The following CSRNP3 variants were observed in gnomAD, a reference collection of about 807,000 sequenced individuals.
CSRNP3 encodes the protein cysteine/serine-rich nuclear protein 3.
A neutral mutation model predicts 48.0 loss-of-function variants in CSRNP3; 12 were observed. That is an observed-to-expected ratio of 0.25 (90% confidence interval 0.16 to 0.41). CSRNP3 has a LOEUF of 0.41. Ranked by LOEUF, CSRNP3 falls within the 10% of genes least tolerant of loss-of-function variation. The pLI, the probability that CSRNP3 is intolerant of heterozygous loss-of-function variation, is 1.00. For missense variants in CSRNP3, 580 were observed against 724.4 expected, an observed-to-expected ratio of 0.80 and a Z score of 2.29; for synonymous variants, 263 against 269.7, an observed-to-expected ratio of 0.98 and a Z score of 0.24.
chr2:165,683,350 C>T lies in CSRNP3; in HGVS notation c.*3597C>T, dbSNP rs770787282. 1.2e-4 allele frequency: 18 copies of T among 151,904 alleles called. No individual in the cohort carries two copies. The highest frequency in any genetic ancestry group is 2.2e-4 in the Non-Finnish European group (15 of 67,954). The allele number at this position is 151,904 out of a possible 1,614,324, so 9.4% of individuals were successfully genotyped here. A position where few individuals can be genotyped will look rare whatever the true frequency, so the allele number is the denominator to read the frequency against. ...CAATCATATATGGCCCTGCAATACT[C>T]CCTGAATTCCTTCCCTCCAAAAAAA... On this transcript the variant is annotated 3_prime_UTR_variant, in exon 7 of 7. Coordinates refer to ENST00000651982, the MANE Select transcript of CSRNP3 (RefSeq NM_001172173.2).
intron 1 of CSRNP3, among the ~76,000 whole-genome samples, chr2:165,481,402 T>C (rs188511801): frequency 1.4e-4 from 19 of 134,454 alleles, no homozygotes; most frequent in Non-Finnish European, 2.5e-4. Flanking sequence ...CCAGCCTCTT[T>C]CCTGGAGTGT....
At chr2:165,477,712 C>T (rs932825211) in intron 1 of CSRNP3, among the ~76,000 whole-genome samples, 2 of 149,726 alleles carry the variant, frequency 1.3e-5, no homozygotes, top group Non-Finnish European at 3.0e-5. Flanking sequence ...CATGGTGGCT[C>T]ACACCTGTAA....
At position 165,636,387 on chromosome 2, in the gene CSRNP3, T is replaced by C. The variant is rs1208506287; in HGVS notation, c.149-21374T>C. Among the ~76,000 whole-genome samples the C allele has an allele frequency of 5.3e-5, 8 of 152,322 alleles. No individual in the cohort carries two copies. In the East Asian group the frequency reaches 1.4e-3, roughly 26 times the overall value. ...TCTTTGAGTGAATAACATAGGAAGA[T>C]GATCTGTATGTTTTCAGAGGCCTGT... On this transcript the variant is annotated intron_variant, in intron 4 of 6. Coordinates refer to ENST00000651982, the MANE Select transcript of CSRNP3 (RefSeq NM_001172173.2).
intron 1 of CSRNP3, among the ~76,000 whole-genome samples, chr2:165,474,607 TG>T (rs1339385790): frequency 3.9e-5 from 6 of 152,206 alleles, no homozygotes; most frequent in African/African-American, 1.2e-4. Flanking sequence ...GAGAGGACAA[TG>T]ATCATATTTA....
intron 3 of CSRNP3, among the ~76,000 whole-genome samples, chr2:165,568,566 G>T (rs1685327433): frequency 6.6e-6 from 1 of 152,048 alleles, no homozygotes; most frequent in African/African-American, 2.4e-5. Context: ...CTCTTACATG[G>T]CAGCTCAGAG....
At chr2:165,476,739 T>C (rs1182238538) in intron 1 of CSRNP3, among the ~76,000 whole-genome samples, 2 of 152,354 alleles carry the variant, frequency 1.3e-5, no homozygotes, top group Admixed American at 6.5e-5. Context: ...ACCAGTTACT[T>C]AAACTATCTG....
chr2:165,471,974 A>T (rs1683900653), intron 1 of CSRNP3, among the ~76,000 whole-genome samples: 1 of 150,984 alleles, frequency 6.6e-6, no homozygotes. Context: ...AGGCATCACC[A>T]TTTTTTTTTC....
intron 4 of CSRNP3, among the ~76,000 whole-genome samples, chr2:165,597,889 T>A (rs2105297807): frequency 6.6e-6 from 1 of 152,264 alleles, no homozygotes; most frequent in African/African-American, 2.4e-5. Flanking sequence ...ATTTCATCCC[T>A]TGAAATCGGT....
Position 165,684,912 on chromosome 2 carries a change from C to T in CSRNP3, c.*5159C>T, listed in dbSNP as rs1687606922. On this transcript the variant is annotated 3_prime_UTR_variant, in exon 7 of 7. Transcript: ENST00000651982. ...AAAGACTAGAGTTACAAATGGCAGCCCCAAACCTAGAAGGGGCAGTTACAA... is the reference window on the plus strand; with the variant it reads ...AAAGACTAGAGTTACAAATGGCAGCTCCAAACCTAGAAGGGGCAGTTACAA... The T allele has an allele frequency of 6.6e-6, 1 of 151,990 alleles. No homozygotes were observed. The highest frequency in any genetic ancestry group is 2.1e-4 in the South Asian group (1 of 4,836). 9.4% of individuals were successfully genotyped at this position (151,990 alleles called of 1,614,324 possible).
chr2:165,646,317 G>T (rs1686811781), intron 4 of CSRNP3, among the ~76,000 whole-genome samples: 1 of 151,962 alleles, frequency 6.6e-6, no homozygotes, highest in African/African-American at 2.4e-5. Flanking sequence ...TGTTGCTCTT[G>T]TTGCTGTTGA....
rs1407756906 is a variant in CSRNP3, at chr2:165,599,279, GAGAGAGAAAGAAAGAAAGAA to G, written c.148+4070_148+4089del. On this transcript the variant is annotated intron_variant, in intron 4 of 6. Transcript: ENST00000651982. ...AAAGAAAGAAAAAGAAAGAAAGAGA[GAGAGAGAAAGAAAGAAAGAA>G]AGAAAGAAAGAAAGAAAGAAAGAAA... is the stretch of plus-strand genomic sequence containing the variant. Among the ~76,000 whole-genome samples the G allele has an allele frequency of 9.0e-3, 662 of 73,190 alleles. 9 individuals are homozygous for G. The highest frequency in any genetic ancestry group is 0.02 in the South Asian group (42 of 2,136). The allele number at this position is 73,190 out of a possible 152,430, so 48.0% of individuals were successfully genotyped here. A position where few individuals can be genotyped will look rare whatever the true frequency, so the allele number is the denominator to read the frequency against.
At chr2:165,566,402 G>A (rs1333680099) in intron 3 of CSRNP3, among the ~76,000 whole-genome samples, 2 of 151,354 alleles carry the variant, frequency 1.3e-5, no homozygotes, top group Non-Finnish European at 2.9e-5. Flanking sequence ...GACTACCTTA[G>A]ATAAGATGTC....
At position 165,652,833 on chromosome 2, in the gene CSRNP3, C is replaced by T. The variant is rs372718018; in HGVS notation, c.149-4928C>T. 2.6e-4 allele frequency among the ~76,000 whole-genome samples: 39 copies of T among 152,228 alleles called. No individual in the cohort carries two copies. The South Asian group carries it at 7.5e-3, about 29-fold the overall frequency. ...TGCTGAGATTACAGGCGTGAGCCAC[C>T]GCGCTGGCCAAAAACAGACTAATTA... On this transcript the variant is annotated intron_variant, in intron 4 of 6. Transcript: ENST00000651982.
chr2:165,631,079 C>G (rs1181764612), intron 4 of CSRNP3, among the ~76,000 whole-genome samples: 1 of 152,156 alleles, frequency 6.6e-6, no homozygotes, highest in Non-Finnish European at 1.5e-5. Flanking sequence ...CTTATTATTG[C>G]AATATTCTGA....
intron 5 of CSRNP3, among the ~76,000 whole-genome samples, chr2:165,662,576 T>C (rs181564760): frequency 6.6e-6 from 1 of 152,244 alleles, no homozygotes; most frequent in African/African-American, 2.4e-5. Context: ...TTTCATCATC[T>C]GCACCACATT....
At chr2:165,534,499 A>G (rs780715970) in intron 3 of CSRNP3, among the ~76,000 whole-genome samples, 29 of 152,000 alleles carry the variant, frequency 1.9e-4, no homozygotes, top group Non-Finnish European at 2.9e-4. Flanking sequence ...TGAATCTTCC[A>G]TATGTCTGCA....
rs79458278 is a variant in CSRNP3, at chr2:165,538,133, G to A, written c.-24+20172G>A. 8.3e-3 allele frequency among the ~76,000 whole-genome samples: 1,262 copies of A among 152,006 alleles called. 14 individuals carry two copies. The highest frequency in any genetic ancestry group is 0.028 in the African/African-American group (1,166 of 41,508). Reference sequence around the variant, plus strand: ...TCACTGGTGGCTACAATTCCTTAAAGAGGCAAGATTATTCATCCCACAACA... The same window carrying A: ...TCACTGGTGGCTACAATTCCTTAAAAAGGCAAGATTATTCATCCCACAACA... On this transcript the variant is annotated intron_variant, in intron 3 of 6. Coordinates refer to ENST00000651982, the MANE Select transcript of CSRNP3 (RefSeq NM_001172173.2).
In CSRNP3 at chr2:165,679,484, A is replaced by C. The variant is rs1687492533; in HGVS notation, c.1489A>C (p.Asn497His). ...AYGASHYPAA[N>H]PSVIVCCSSS... ...TGGTGCCTCCCACTACCCAGCTGCC[A>C]ACCCCTCTGTAATCGTTTGCTGCTC... is the stretch of plus-strand genomic sequence containing the variant. The change falls in exon 7 of 7, where the codon AAC (asparagine) becomes CAC (histidine). Residue 497 changes from asparagine to histidine, a missense_variant. Asn to His is a moderately conservative substitution (Grantham distance 68). Coordinates refer to ENST00000651982, the MANE Select transcript of CSRNP3 (RefSeq NM_001172173.2). 6.2e-7 allele frequency: 1 copy of C among 1,613,446 alleles called. No individual in the cohort carries two copies. The highest frequency in any genetic ancestry group is 8.5e-7 in the Non-Finnish European group (1 of 1,179,922).
At position 165,511,289 on chromosome 2, in the gene CSRNP3, C is replaced by G. The variant is rs375806658; in HGVS notation, c.-112-6584C>G. ...TAAAAAGGTTTGTTAAAAAACAGAC[C>G]AGAGAATTAGGGTGATAGTGAGATG... On this transcript the variant is annotated intron_variant, in intron 2 of 6. Coordinates refer to ENST00000651982, the MANE Select transcript of CSRNP3 (RefSeq NM_001172173.2). Among the ~76,000 whole-genome samples the G allele has an allele frequency of 2.8e-4, 42 of 151,856 alleles. No individual in the cohort carries two copies. The South Asian group carries it at 7.9e-3, about 29-fold the overall frequency.
Sources: gnomAD v4.1 joint callset for allele counts (sites outside exome capture counted in the v4.1 genomes callset) on GRCh38, gnomAD v4.1.1 for gene constraint, MANE v1.5 for transcripts, NCBI Gene and HGNC (gene_info 2026-07-23, HGNC 2026-07-21) for gene names.